KCNAB1: variants seen among roughly 807,000 people sequenced by gnomAD.
KCNAB1 encodes potassium voltage-gated channel subfamily A regulatory beta subunit 1.
KCNAB1 carries 35 observed loss-of-function variants against 64.6 expected under a neutral mutation model. That is an observed-to-expected ratio of 0.54 (90% CI 0.41 to 0.72). KCNAB1 has a LOEUF of 0.72. KCNAB1 is among the 30% of genes least tolerant of loss of function. The probability of loss-of-function intolerance (pLI) is 0.00; values close to 1 mark genes in which losing one functional copy is unlikely to be tolerated. For missense variants in KCNAB1, 401 were observed against 512.9 expected, an observed-to-expected ratio of 0.78 and a Z score of 2.11; for synonymous variants, 177 against 183.8, an observed-to-expected ratio of 0.96 and a Z score of 0.30.
rs1015225496 is a variant in KCNAB1 at position 156,136,204 on chromosome 3, A to G, written c.275+15318A>G. 2.1e-4 allele frequency among the ~76,000 whole-genome samples: 32 copies of G among 152,358 alleles called. 1 individual carries two copies. The highest frequency in any genetic ancestry group is 7.7e-4 in the African/African-American group (32 of 41,588). On this transcript the variant is annotated intron_variant, in intron 1 of 13. Transcript: ENST00000490337. ...AACCCTTAGACACTGACAGCATTGC[A>G]GGTATTATAATAATAATCACCATTT...
chr3:156,526,944 A>C (rs1429747832), intron 12 of KCNAB1, among the ~76,000 whole-genome samples: 1 of 152,230 alleles, frequency 6.6e-6, no homozygotes, highest in Non-Finnish European at 1.5e-5. Context: ...TAAAAAGCTC[A>C]AGATAAGGTC....
At chr3:156,307,925 G>T (rs1300723708) in intron 1 of KCNAB1, among the ~76,000 whole-genome samples, 1 of 152,200 alleles carries the variant, frequency 6.6e-6, no homozygotes, top group African/African-American at 2.4e-5. Flanking sequence ...CAGGCACTGT[G>T]CCAGGCACTG....
intron 1 of KCNAB1, among the ~76,000 whole-genome samples, chr3:156,185,914 A>G (rs1227155505): frequency 6.6e-6 from 1 of 152,178 alleles, no homozygotes; most frequent in Non-Finnish European, 1.5e-5. Context: ...CTTCTCTATA[A>G]CTAAACACAT....
chr3:156,191,674 A>C (rs561119778), intron 1 of KCNAB1, among the ~76,000 whole-genome samples: 196 of 152,306 alleles, frequency 1.3e-3, no homozygotes, highest in African/African-American at 4.5e-3. Context: ...ATTTTTTTAA[A>C]AAATACTTTC....
At chr3:156,345,157 C>T (rs895213733) in intron 1 of KCNAB1, among the ~76,000 whole-genome samples, 1 of 151,692 alleles carries the variant, frequency 6.6e-6, no homozygotes, top group African/African-American at 2.4e-5. Flanking sequence ...AAAAACTGAT[C>T]TCTACACTTA....
At chr3:156,148,142 A>G (rs73876114) in intron 1 of KCNAB1, among the ~76,000 whole-genome samples, 3,951 of 152,188 alleles carry the variant, frequency 0.026, 187 homozygotes, top group African/African-American at 0.09. Context: ...GTCTCTACTC[A>G]TCATTAGTTT....
chr3:156,513,616 T>C (rs1424513557), intron 8 of KCNAB1, among the ~76,000 whole-genome samples: 1 of 152,238 alleles, frequency 6.6e-6, no homozygotes, highest in Non-Finnish European at 1.5e-5. Context: ...CAAGAGGATT[T>C]GCTCAGCTCC....
intron 1 of KCNAB1, among the ~76,000 whole-genome samples, chr3:156,283,305 CTGGCTTGT>C (rs1467694098): frequency 1.3e-5 from 2 of 151,436 alleles, no homozygotes; most frequent in Non-Finnish European, 2.9e-5. Flanking sequence ...CCACTCTCTT[CTGGCTTGT>C]AGGGTTTCTG....
intron 1 of KCNAB1, among the ~76,000 whole-genome samples, chr3:156,248,050 A>G (rs1216141080): frequency 6.6e-6 from 1 of 152,066 alleles, no homozygotes; most frequent in African/African-American, 2.4e-5. Flanking sequence ...CAGTTCTTTT[A>G]TCTCCCCAGT....
At chr3:156,266,037 T>C (rs1718682753) in intron 1 of KCNAB1, among the ~76,000 whole-genome samples, 1 of 151,864 alleles carries the variant, frequency 6.6e-6, no homozygotes, top group Non-Finnish European at 1.5e-5. Context: ...ATAAATAATA[T>C]CCTAAACTTT....
At chr3:156,469,443 G>C (rs1345666026) in intron 7 of KCNAB1, among the ~76,000 whole-genome samples, 3 of 151,790 alleles carry the variant, frequency 2.0e-5, no homozygotes, top group Non-Finnish European at 1.5e-5. Flanking sequence ...ATTTTTAGTA[G>C]AGGCAGGGTT....
rs557913037 is a variant in KCNAB1 at position 156,125,281 on chromosome 3, A to C, written c.275+4395A>C. ...ACGGTGTATTTAAGGCCTATGAAGA[A>C]AATTAAGGATGGATGACTCCAAAAA... On this transcript the variant is annotated intron_variant, in intron 1 of 13. Transcript: ENST00000490337. Among the ~76,000 whole-genome samples, 11 of 152,348 alleles carry C rather than the reference A, an allele frequency of 7.2e-5. No homozygotes were observed. The South Asian group carries it at 1.7e-3, about 23-fold the overall frequency.
intron 8 of KCNAB1, among the ~76,000 whole-genome samples, chr3:156,495,907 C>T (rs1455495159): frequency 3.3e-5 from 5 of 152,192 alleles, no homozygotes; most frequent in Middle Eastern, 3.4e-3. Context: ...AAAGTTCAGA[C>T]CATAAAGAGT....
chr3:156,325,433 A>G (rs547291718), intron 1 of KCNAB1, among the ~76,000 whole-genome samples: 25 of 152,274 alleles, frequency 1.6e-4, no homozygotes, highest in Non-Finnish European at 3.5e-4. Context: ...AGTAAATGTG[A>G]TTCGTAGACC....
At chr3:156,211,542 T>C (rs1715006690) in intron 1 of KCNAB1, among the ~76,000 whole-genome samples, 1 of 152,192 alleles carries the variant, frequency 6.6e-6, no homozygotes, top group Non-Finnish European at 1.5e-5. Context: ...CCAGGTCCTA[T>C]GCCAATGCCC....
chr3:156,241,881 T>G (rs1280876318), intron 1 of KCNAB1, among the ~76,000 whole-genome samples: 1 of 152,210 alleles, frequency 6.6e-6, no homozygotes, highest in Non-Finnish European at 1.5e-5. Context: ...AATGTCTTTA[T>G]TTTCCCCTTG....
rs191740214 is a variant in KCNAB1 at position 156,138,647 on chromosome 3, G to A, written c.275+17761G>A. ...GAATAATTCATGGACTCCAAGTCTC[G>A]CCAGTAACAAAGGAGGAAGGATCAT... On this transcript the variant is annotated intron_variant, in intron 1 of 13. Transcript: ENST00000490337. Among the ~76,000 whole-genome samples the A allele has an allele frequency of 1.5e-3, 226 of 152,224 alleles. 7 individuals carry two copies. The East Asian group carries it at 0.033, about 22-fold the overall frequency.
chr3:156,435,402 G>A (rs1256627501), intron 2 of KCNAB1, among the ~76,000 whole-genome samples: 1 of 152,186 alleles, frequency 6.6e-6, no homozygotes, highest in Non-Finnish European at 1.5e-5. Flanking sequence ...AGGGACTAGA[G>A]ACAAAGAATT....
Position 156,173,944 on chromosome 3 carries a change from C to T in KCNAB1, c.275+53058C>T, listed in dbSNP as rs145085330. Among the ~76,000 whole-genome samples the T allele has an allele frequency of 4.6e-5, 7 of 152,312 alleles. No homozygotes were observed. In the East Asian group the frequency reaches 1.4e-3, roughly 29 times the overall value. ...ATTGATTCAATTGATTGAGCTGGGA[C>T]GTTGGCCTTCTGCCCTCAGACAGTG... On this transcript the variant is annotated intron_variant, in intron 1 of 13. Transcript: ENST00000490337.
Sources: gnomAD v4.1 joint callset for allele counts (sites outside exome capture counted in the v4.1 genomes callset) on GRCh38, gnomAD v4.1.1 for gene constraint, MANE v1.5 for transcripts, NCBI Gene and HGNC (gene_info 2026-07-23, HGNC 2026-07-21) for gene names.